Variants in PDE1C observed in about 807,000 individuals in gnomAD.
PDE1C encodes phosphodiesterase 1C.
Under a neutral mutation model 93.1 loss-of-function variants are expected in PDE1C, and 62 were observed. That is an observed-to-expected ratio of 0.67 (90% confidence interval 0.54 to 0.82). The LOEUF (loss-of-function observed/expected upper bound fraction) is 0.82. Ranked by LOEUF, PDE1C falls within the 40% of genes least tolerant of loss-of-function variation. The probability of loss-of-function intolerance (pLI) is 0.00; values close to 1 mark genes in which losing one functional copy is unlikely to be tolerated. For synonymous variants in PDE1C, 325 were observed against 310.1 expected, an observed-to-expected ratio of 1.05 and a Z score of -0.50; for missense variants, 742 against 884.6, an observed-to-expected ratio of 0.84 and a Z score of 2.04.
chr7:32,331,648 G>A (rs992615830), intron 1 of PDE1C, among the ~76,000 whole-genome samples: 7 of 152,156 alleles, frequency 4.6e-5, no homozygotes, highest in Non-Finnish European at 7.3e-5. Flanking sequence ...GAATCCAGGT[G>A]TGAGTGGTGG....
the PDE1C span, among the ~76,000 whole-genome samples, chr7:31,738,173 A>C: frequency 6.6e-6 from 1 of 152,204 alleles, no homozygotes; most frequent in Non-Finnish European, 1.5e-5. Flanking sequence ...GGGTGAGGTG[A>C]GAAGGGCTAA....
At chr7:31,960,725 T>C (rs1808822142) in intron 2 of PDE1C, among the ~76,000 whole-genome samples, 1 of 152,202 alleles carries the variant, frequency 6.6e-6, no homozygotes, top group South Asian at 2.1e-4. Flanking sequence ...ACTCTTGCAA[T>C]TCTTCATGAG....
At chr7:31,970,114 C>T (rs1810717992) in intron 2 of PDE1C, among the ~76,000 whole-genome samples, 1 of 151,986 alleles carries the variant, frequency 6.6e-6, no homozygotes, top group African/African-American at 2.4e-5. Flanking sequence ...GCACGTTGTG[C>T]ACATGTACCC....
chr7:31,682,558 G>T, the PDE1C span, among the ~76,000 whole-genome samples: 4 of 152,172 alleles, frequency 2.6e-5, no homozygotes, highest in African/African-American at 9.7e-5. Flanking sequence ...CTGAAAAACA[G>T]TTTGGCAGTT....
chr7:32,070,960 T>G, upstream of PDE1C: 1 of 985,600 alleles, frequency 1.0e-6, no homozygotes, highest in South Asian at 4.7e-5. Context: ...TTCGCGCCCC[T>G]CTGTTTTCTC....
chr7:32,132,022 T>A (rs548199540), intron 3 of PDE1C, among the ~76,000 whole-genome samples: 1 of 152,130 alleles, frequency 6.6e-6, no homozygotes, highest in Non-Finnish European at 1.5e-5. Context: ...CATTGTTTGA[T>A]TGGCTTGTTT....
chr7:32,298,633 G>A (rs537591337), intron 1 of PDE1C: 14 of 1,594,250 alleles, frequency 8.8e-6, no homozygotes, highest in South Asian at 2.3e-5. Flanking sequence ...GAGTCCGAGA[G>A]GGGTGGAAAG....
intron 2 of PDE1C, among the ~76,000 whole-genome samples, chr7:32,047,632 T>C (rs1266108052): frequency 6.6e-6 from 1 of 152,150 alleles, no homozygotes; most frequent in Non-Finnish European, 1.5e-5. Flanking sequence ...ATATGCCTCG[T>C]ACTTGGTGAA....
chr7:32,150,862 C>A (rs1387401140), intron 3 of PDE1C, among the ~76,000 whole-genome samples: 1 of 152,098 alleles, frequency 6.6e-6, no homozygotes, highest in Non-Finnish European at 1.5e-5. Context: ...AGTACAGTAT[C>A]TTTTTTTAAT....
chr7:32,069,306 A>C (rs1386113527), intron 1 of PDE1C, among the ~76,000 whole-genome samples: 1 of 152,228 alleles, frequency 6.6e-6, no homozygotes, highest in Non-Finnish European at 1.5e-5. Context: ...GCAGCAAAAC[A>C]AACAAACTGG....
the PDE1C span, among the ~76,000 whole-genome samples, chr7:31,671,701 C>T: frequency 1.3e-5 from 2 of 152,146 alleles, no homozygotes; most frequent in African/African-American, 4.8e-5. Flanking sequence ...GCTGGCATTC[C>T]TGCTGTGCCC....
chr7:31,746,660 TG>T (rs558096884), downstream of PDE1C, among the ~76,000 whole-genome samples: 36 of 152,284 alleles, frequency 2.4e-4, no homozygotes, highest in East Asian at 5.8e-3. Context: ...TATGGTTCAG[TG>T]GGGGAAACCA....
intron 1 of PDE1C, among the ~76,000 whole-genome samples, chr7:32,233,928 G>T (rs1209755603): frequency 6.6e-6 from 1 of 151,854 alleles, no homozygotes; most frequent in Admixed American, 6.6e-5. Flanking sequence ...AAACTTAAAA[G>T]AAATGAAAGT....
At chr7:32,309,050 T>C (rs1813097471) in intron 1 of PDE1C, among the ~76,000 whole-genome samples, 1 of 151,940 alleles carries the variant, frequency 6.6e-6, no homozygotes, top group Admixed American at 6.6e-5. Context: ...AGAGAAGTCC[T>C]TAAAGGAGCT....
At chr7:31,808,957 T>C in intron 16 of PDE1C, 74 bp downstream of exon 16, 1 of 829,194 alleles carries the variant, frequency 1.2e-6, no homozygotes, top group East Asian at 2.5e-5. Context: ...TATTTCAATT[T>C]TGGGTATGAT....
At chr7:32,121,856 A>G (rs1211530820) in intron 3 of PDE1C, among the ~76,000 whole-genome samples, 2 of 152,244 alleles carry the variant, frequency 1.3e-5, no homozygotes, top group Non-Finnish European at 2.9e-5. Context: ...GACAGGATCA[A>G]ATTCACACAT....
At chr7:32,104,866 A>T (rs1169982907) in intron 3 of PDE1C, among the ~76,000 whole-genome samples, 1 of 152,258 alleles carries the variant, frequency 6.6e-6, no homozygotes, top group African/African-American at 2.4e-5. Context: ...TAAGTGACTA[A>T]TGATCCAGTT....
At chr7:31,867,435 T>C (rs1034374685) in intron 6 of PDE1C, among the ~76,000 whole-genome samples, 5 of 152,156 alleles carry the variant, frequency 3.3e-5, no homozygotes, top group Admixed American at 3.3e-4. Context: ...CCCAGTCCAG[T>C]CCACTACTAT....
chr7:31,657,167 C>A, the PDE1C span, among the ~76,000 whole-genome samples: 7 of 5,034 alleles, frequency 1.4e-3, no homozygotes, highest in East Asian at 0.019. Context: ...TATATAATAT[C>A]ACTCACACAT....
Sources: allele counts gnomAD v4.1 joint callset (sites outside exome capture counted in the v4.1 genomes callset), GRCh38; gene constraint gnomAD v4.1.1; transcripts MANE v1.5; gene names NCBI Gene and HGNC (gene_info 2026-07-23, HGNC 2026-07-21).